Variants in ARHGEF38 observed in about 807,000 individuals in gnomAD.
ARHGEF38 encodes Rho guanine nucleotide exchange factor 38.
ARHGEF38 carries 79 observed loss-of-function variants against 79.9 expected under a neutral mutation model. The observed-to-expected ratio is 0.99, with a 90% CI of 0.82 to 1.19. ARHGEF38 has a LOEUF of 1.19. ARHGEF38 is among the 50% of genes most tolerant of loss of function. ARHGEF38 has a pLI of 0.00. For missense variants in ARHGEF38, 962 were observed against 907.2 expected, an observed-to-expected ratio of 1.06 and a Z score of -0.78; for synonymous variants, 366 against 328.3, an observed-to-expected ratio of 1.11 and a Z score of -1.24.
intron 2 of ARHGEF38, among the ~76,000 whole-genome samples, chr4:105,599,892 C>A (rs538309905): frequency 4.6e-5 from 7 of 152,116 alleles, no homozygotes; most frequent in Admixed American, 1.3e-4. Flanking sequence ...TTTGTGTCAT[C>A]AAAAAACTAA....
chr4:105,672,301 G>A (rs1160964044), intron 13 of ARHGEF38, among the ~76,000 whole-genome samples: 3 of 152,098 alleles, frequency 2.0e-5, no homozygotes, highest in Admixed American at 6.6e-5. Flanking sequence ...CACTGCTGTA[G>A]AGATTTAACT....
chr4:105,597,536 G>T (rs1052616740), intron 2 of ARHGEF38, among the ~76,000 whole-genome samples: 4 of 152,070 alleles, frequency 2.6e-5, no homozygotes, highest in African/African-American at 9.7e-5. Context: ...TGTAGTCTGG[G>T]CCTGAAAACA....
intron 9 of ARHGEF38, among the ~76,000 whole-genome samples, chr4:105,658,668 G>C (rs1315881190): frequency 3.9e-5 from 6 of 152,148 alleles, no homozygotes; most frequent in African/African-American, 4.8e-5. Flanking sequence ...GTAGTCAAAG[G>C]CTAGAGATTC....
At chr4:105,571,614 C>T (rs1457228395) in intron 1 of ARHGEF38, among the ~76,000 whole-genome samples, 1 of 152,178 alleles carries the variant, frequency 6.6e-6, no homozygotes, top group Admixed American at 6.5e-5. Context: ...TGAGCCACCG[C>T]GCCCTGCCTG....
chr4:105,586,509 G>A (rs1202704812), intron 1 of ARHGEF38, among the ~76,000 whole-genome samples: 1 of 152,152 alleles, frequency 6.6e-6, no homozygotes, highest in African/African-American at 2.4e-5. Flanking sequence ...AAAATCTGAT[G>A]TAGTACATTT....
chr4:105,673,334 T>C (rs1308768147), intron 13 of ARHGEF38, among the ~76,000 whole-genome samples: 2 of 152,168 alleles, frequency 1.3e-5, no homozygotes, highest in Non-Finnish European at 2.9e-5. Context: ...CTAGGTTTAA[T>C]AACGGCTAAA....
chr4:105,613,677 A>C (rs568837043), intron 3 of ARHGEF38, among the ~76,000 whole-genome samples, 170 bp downstream of exon 3: 1 of 152,250 alleles, frequency 6.6e-6, no homozygotes, highest in African/African-American at 2.4e-5. Flanking sequence ...GTTTATTTTC[A>C]AATGGGTTTA....
At chr4:105,568,929 C>G (rs1726077512) in intron 1 of ARHGEF38, among the ~76,000 whole-genome samples, 1 of 152,178 alleles carries the variant, frequency 6.6e-6, no homozygotes, top group African/African-American at 2.4e-5. Flanking sequence ...TTAAACAAAA[C>G]CTTAAGCTTG....
At chr4:105,570,748 T>G (rs1451372574) in intron 1 of ARHGEF38, among the ~76,000 whole-genome samples, 1 of 152,150 alleles carries the variant, frequency 6.6e-6, no homozygotes, top group Non-Finnish European at 1.5e-5. Context: ...AGATGAGATT[T>G]GGGTGGGGAC....
Position 105,558,919 on chromosome 4 carries a change from C to G in ARHGEF38, c.196+5958C>G, listed in dbSNP as rs192128380. On this transcript the variant is annotated intron_variant, in intron 1 of 13. Coordinates refer to ENST00000420470, the MANE Select transcript of ARHGEF38 (RefSeq NM_001242729.2). ...GAGAGAGAGAAGGGGAGGGGAGAGA[C>G]AGACAGAAACCAAGCAAGCAGCAAG... Among the ~76,000 whole-genome samples the G allele has an allele frequency of 9.7e-3, 1,460 of 150,272 alleles. 29 individuals carry two copies. Among genetic ancestry groups the G allele is most frequent in the African/African-American group, 0.034 (1,387 of 40,926 alleles).
At chr4:105,572,775 A>G (rs1248376623) in intron 1 of ARHGEF38, among the ~76,000 whole-genome samples, 3 of 152,132 alleles carry the variant, frequency 2.0e-5, no homozygotes, top group Non-Finnish European at 4.4e-5. Context: ...CATTTTGTTC[A>G]TCTATTTATC....
In ARHGEF38 at chr4:105,680,021, T is replaced by C. The variant is rs1731255897; in HGVS notation, c.*2084T>C. On this transcript the variant is annotated 3_prime_UTR_variant, in exon 14 of 14. Coordinates refer to ENST00000420470, the MANE Select transcript of ARHGEF38 (RefSeq NM_001242729.2). ...TGTTTTGTGCGGATTCATGGCCATG[T>C]CAGTTACATTCTTCTTCGTCTCACA... 1.0e-6 allele frequency: 1 copy of C among 955,130 alleles called. No homozygotes were observed. Among genetic ancestry groups the C allele is most frequent in the East Asian group, 2.4e-5 (1 of 41,508 alleles). The allele number at this position is 955,130 out of a possible 1,614,324, so 59.2% of individuals were successfully genotyped here.
intron 2 of ARHGEF38, among the ~76,000 whole-genome samples, chr4:105,590,051 GAGAA>G (rs1209416689): frequency 1.8e-5 from 2 of 113,182 alleles, no homozygotes; most frequent in Non-Finnish European, 3.7e-5. Flanking sequence ...AAAAAAAAGA[GAGAA>G]AGAAAGAAAA....
At chr4:105,589,514 G>GA in intron 2 of ARHGEF38, 79 bp downstream of exon 2, 1 of 1,286,662 alleles carries the variant, frequency 7.8e-7, no homozygotes, top group Non-Finnish European at 1.1e-6. Flanking sequence ...GAAGCACTCA[G>GA]GTGTATCAAT....
rs538686744 is a variant in ARHGEF38 at position 105,679,287 on chromosome 4, C to T, written c.*1350C>T. The T allele has an allele frequency of 2.1e-5, 15 of 725,490 alleles. No homozygotes were observed. The highest frequency in any genetic ancestry group is 8.8e-5 in the African/African-American group (5 of 56,602). The allele number at this position is 725,490 out of a possible 1,614,324, so 44.9% of individuals were successfully genotyped here. ...TTAGCTGGCACTGAGAGTATCCAGC[C>T]GGAATCATGCCACTTTGCCTGTAAC... On this transcript the variant is annotated 3_prime_UTR_variant, in exon 14 of 14. Transcript: ENST00000420470.
chr4:105,600,384 A>G (rs1182191135), intron 2 of ARHGEF38, among the ~76,000 whole-genome samples: 1 of 152,154 alleles, frequency 6.6e-6, no homozygotes, highest in Non-Finnish European at 1.5e-5. Flanking sequence ...GCAGCATTTG[A>G]CAAAAACAGT....
intron 4 of ARHGEF38, 74 bp downstream of exon 4, chr4:105,631,119 T>G: frequency 6.7e-7 from 1 of 1,495,660 alleles, no homozygotes; most frequent in Non-Finnish European, 8.9e-7. Flanking sequence ...TGGATGTAGA[T>G]GAAAGGTCTC....
chr4:105,589,161 A>T (rs1217468360), intron 1 of ARHGEF38, 87 bp from the exon 2 acceptor site: 2 of 1,093,484 alleles, frequency 1.8e-6, no homozygotes, highest in South Asian at 1.7e-5. Flanking sequence ...TTTCCTTGTT[A>T]ACAAAGTCCT....
intron 4 of ARHGEF38, 68 bp downstream of exon 4, chr4:105,631,113 T>C (rs1729171721): frequency 1.3e-6 from 2 of 1,520,834 alleles, no homozygotes; most frequent in Admixed American, 4.2e-5. Context: ...TTTAAATGGA[T>C]GTAGATGAAA....
Sources: allele counts gnomAD v4.1 joint callset (sites outside exome capture counted in the v4.1 genomes callset), GRCh38; gene constraint gnomAD v4.1.1; transcripts MANE v1.5; gene names NCBI Gene and HGNC (gene_info 2026-07-23, HGNC 2026-07-21).